Variants in UGT1A10 observed in about 807,000 individuals in gnomAD.
UGT1A10 encodes the protein UDP-glucuronosyltransferase 1A10.
Under a neutral mutation model 45.8 loss-of-function variants are expected in UGT1A10, and 49 were observed. The ratio of observed to expected loss-of-function variants is 1.07; its 90% CI spans 0.85 to 1.36. UGT1A10 has a LOEUF of 1.36. UGT1A10 is among the 40% of genes most tolerant of loss of function. The probability of loss-of-function intolerance (pLI) is 0.00; values close to 1 mark genes in which losing one functional copy is unlikely to be tolerated. For missense variants in UGT1A10, 745 were observed against 668.6 expected (o/e 1.11, Z -1.26); for synonymous variants, 284 against 249.7 (o/e 1.14, Z -1.29).
At chr2:233,661,627 C>CTTTCTTTCTTTCT (rs2073967058) in intron 1 of UGT1A10, among the ~76,000 whole-genome samples, 1 of 106,136 alleles carries the variant, frequency 9.4e-6, no homozygotes, top group African/African-American at 3.1e-5. Flanking sequence ...ACTGAATTTT[C>CTTTCTTTCTTTCT]TTTCTTTCTT....
intron 1 of UGT1A10, among the ~76,000 whole-genome samples, chr2:233,688,187 G>A (rs947361033): frequency 3.3e-5 from 5 of 152,142 alleles, no homozygotes; most frequent in African/African-American, 9.7e-5. Flanking sequence ...AAGCCTTTAT[G>A]ACCGGCTTCT....
chr2:233,670,389 C>T (rs2074158878), intron 1 of UGT1A10, among the ~76,000 whole-genome samples: 1 of 152,216 alleles, frequency 6.6e-6, no homozygotes. Context: ...TTTGCCTTTG[C>T]AATTCTTTGA....
rs528932470 is a variant in UGT1A10, at chr2:233,768,499, A to C, written c.1295+60A>C. ...TGGCATTCATGATAAAATTGTTTCA[A>C]ATATGAAAACATTTACGTAGCATTT... On this transcript the variant is annotated intron_variant, in intron 4 of 4. Coordinates refer to ENST00000344644, the MANE Select transcript of UGT1A10 (RefSeq NM_019075.4). 123 of 1,570,454 alleles carry C rather than the reference A, an allele frequency of 7.8e-5. No individual in the cohort carries two copies. The East Asian group carries it at 1.6e-3, about 20-fold the overall frequency.
chr2:233,650,661 C>G lies in UGT1A10; in HGVS notation c.855+13284C>G, dbSNP rs369426959. Reference sequence around the variant, plus strand: ...TCAGTGATTTCACCATTCTTCCACTCATATCTCAGCATAAATTTTATGCTA... The same window carrying G: ...TCAGTGATTTCACCATTCTTCCACTGATATCTCAGCATAAATTTTATGCTA... On this transcript the variant is annotated intron_variant, in intron 1 of 4. Transcript: ENST00000344644. 6.6e-5 allele frequency among the ~76,000 whole-genome samples: 10 copies of G among 152,268 alleles called. No individual in the cohort carries two copies. In the East Asian group the frequency reaches 1.7e-3, roughly 26 times the overall value.
At chr2:233,664,289 A>G (rs2074032330) in intron 1 of UGT1A10, among the ~76,000 whole-genome samples, 1 of 152,142 alleles carries the variant, frequency 6.6e-6, no homozygotes, top group African/African-American at 2.4e-5. Context: ...TGAGCCCTCC[A>G]AACTCTTCAA....
At chr2:233,708,724 C>G (rs1198827860) in intron 1 of UGT1A10, 1 of 152,188 alleles carries the variant, frequency 6.6e-6, no homozygotes, top group Non-Finnish European at 1.5e-5. Flanking sequence ...GCACCTCAGC[C>G]TGGGCAACAG....
intron 1 of UGT1A10, among the ~76,000 whole-genome samples, chr2:233,668,813 C>T (rs1209388964): frequency 1.3e-5 from 2 of 152,150 alleles, no homozygotes; most frequent in African/African-American, 4.8e-5. Flanking sequence ...ACCTAATGTC[C>T]TTGTTCTTTT....
At chr2:233,700,275 TTTTAA>T (rs2075554148) in intron 1 of UGT1A10, among the ~76,000 whole-genome samples, 1 of 152,238 alleles carries the variant, frequency 6.6e-6, no homozygotes, top group African/African-American at 2.4e-5. Context: ...AATAGGCACT[TTTTAA>T]AATACGTGAC....
Position 233,718,936 on chromosome 2 carries a change from G to A in UGT1A10, c.856-48098G>A, listed in dbSNP as rs377569610. 7.4e-6 allele frequency: 12 copies of A among 1,614,050 alleles called. No homozygotes were observed. In the African/African-American group the frequency reaches 1.3e-4, roughly 18 times the overall value. Reference sequence around the variant, plus strand: ...GTGTTGGTGGTGCCCACTGATGGCAGCCCCTGGCTCAGCATGCGGGAGGCC... The same window carrying A: ...GTGTTGGTGGTGCCCACTGATGGCAACCCCTGGCTCAGCATGCGGGAGGCC... On this transcript the variant is annotated intron_variant, in intron 1 of 4. Coordinates refer to ENST00000344644, the MANE Select transcript of UGT1A10 (RefSeq NM_019075.4).
intron 1 of UGT1A10, among the ~76,000 whole-genome samples, chr2:233,752,840 A>G (rs1357477181): frequency 6.6e-6 from 1 of 152,242 alleles, no homozygotes; most frequent in African/African-American, 2.4e-5. Flanking sequence ...AATCTAGGAT[A>G]TATCAAAATT....
At chr2:233,701,218 C>T (rs1237228393) in intron 1 of UGT1A10, among the ~76,000 whole-genome samples, 1 of 152,080 alleles carries the variant, frequency 6.6e-6, no homozygotes, top group Non-Finnish European at 1.5e-5. Context: ...TATTTATAAT[C>T]CTTTGGGTAT....
chr2:233,719,691 T>C (rs1369950674), intron 1 of UGT1A10: 1 of 1,614,102 alleles, frequency 6.2e-7, no homozygotes, highest in East Asian at 2.2e-5. Flanking sequence ...ATCTCAGGTC[T>C]GTATTGGTGC....
chr2:233,758,057 A>G (rs1435615594), intron 1 of UGT1A10, among the ~76,000 whole-genome samples: 1 of 151,980 alleles, frequency 6.6e-6, no homozygotes, highest in Non-Finnish European at 1.5e-5. Context: ...ACCATTTCTA[A>G]CTTGACTTTC....
chr2:233,718,006 C>A (rs2076621549), intron 1 of UGT1A10: 2 of 407,730 alleles, frequency 4.9e-6, no homozygotes. Flanking sequence ...AGATCTGAGG[C>A]CAGGCTCCAG....
intron 1 of UGT1A10, among the ~76,000 whole-genome samples, chr2:233,732,898 G>T (rs1347576081): frequency 6.6e-6 from 1 of 151,914 alleles, no homozygotes; most frequent in Non-Finnish European, 1.5e-5. Context: ...AATTACCTTG[G>T]GCAGTATGGC....
At chr2:233,724,425 G>A in intron 1 of UGT1A10, among the ~76,000 whole-genome samples, 1 of 126,932 alleles carries the variant, frequency 7.9e-6, no homozygotes, top group East Asian at 2.6e-4. Flanking sequence ...CGGGCGGAGA[G>A]GCTCCTCACT....
At position 233,682,800 on chromosome 2, in the gene UGT1A10, AT is replaced by A. The variant is rs111931772; in HGVS notation, c.855+45424del. 5 of 1,609,792 alleles carry A rather than the reference AT, an allele frequency of 3.1e-6. No individual in the cohort carries two copies. The African/African-American group carries it at 4.0e-5, about 13-fold the overall frequency. On this transcript the variant is annotated intron_variant, in intron 1 of 4. Transcript: ENST00000344644. The stretch of plus-strand genomic sequence containing the variant: ...GGAAAGCCAGTGCCTATGGTAAGTT[AT>A]CTCCCCTTTAGCACATTAAGAATAA...
intron 1 of UGT1A10, chr2:233,755,184 T>C: frequency 8.4e-7 from 1 of 1,195,602 alleles, no homozygotes. Context: ...GGGGTGCCAC[T>C]TGAGCGCCAG....
chr2:233,766,832 C>T (rs1042829925), intron 1 of UGT1A10, among the ~76,000 whole-genome samples: 12 of 152,168 alleles, frequency 7.9e-5, no homozygotes, highest in African/African-American at 2.9e-4. Context: ...ATTCTGTAAG[C>T]AGGAACCCTT....
Sources: allele counts gnomAD v4.1 joint callset (sites outside exome capture counted in the v4.1 genomes callset), GRCh38; gene constraint gnomAD v4.1.1; transcripts MANE v1.5; gene names NCBI Gene and HGNC (gene_info 2026-07-23, HGNC 2026-07-21).